PLXDC2: variants seen among roughly 807,000 people sequenced by gnomAD.
The protein encoded by PLXDC2 is plexin domain containing 2.
A neutral mutation model predicts 68.9 loss-of-function variants in PLXDC2; 40 were observed. The observed-to-expected ratio is 0.58, with a 90% CI of 0.45 to 0.76. The LOEUF is 0.76. PLXDC2 is among the 30% of genes least tolerant of loss of function. PLXDC2 has a pLI of 0.00. For synonymous variants in PLXDC2, 243 were observed against 234.2 expected (o/e 1.04, Z -0.34); for missense variants, 644 against 661.9 (o/e 0.97, Z 0.30).
Position 20,284,405 on chromosome 10 carries a change from T to TTGTG in PLXDC2, c.*4587_*4588insGTGT, listed in dbSNP as rs1214983469. The TTGTG allele has an allele frequency of 4.7e-4, 43 of 91,534 alleles. No homozygotes were observed. Among genetic ancestry groups the TTGTG allele is most frequent in the African/African-American group, 1.7e-3 (34 of 20,350 alleles). The allele number at this position is 91,534 out of a possible 1,614,324, so 5.7% of individuals were successfully genotyped here. A position where few individuals can be genotyped will look rare whatever the true frequency, so the allele number is the denominator to read the frequency against. On this transcript the variant is annotated 3_prime_UTR_variant, in exon 14 of 14. Coordinates refer to ENST00000377252, the MANE Select transcript of PLXDC2 (RefSeq NM_032812.9). ...GTATATTTGATAGAGATGATAGCAA[T>TTGTG]TATGTGTGTGTGTGTGTGTGTGTGT...
chr10:20,238,663 A>AAAAATATATATATG (rs1564363433), intron 12 of PLXDC2, among the ~76,000 whole-genome samples: 1 of 109,378 alleles, frequency 9.1e-6, no homozygotes, highest in African/African-American at 3.9e-5. Context: ...CTCAAAAAAA[A>AAAAATATATATATG]TATATATATA....
At chr10:19,841,302 A>C (rs992009621) in intron 1 of PLXDC2, among the ~76,000 whole-genome samples, 7 of 152,264 alleles carry the variant, frequency 4.6e-5, no homozygotes, top group East Asian at 1.9e-4. Flanking sequence ...CAAGTAATGT[A>C]AGTTTCTACC....
At chr10:20,010,843 A>G (rs558253277) in intron 2 of PLXDC2, among the ~76,000 whole-genome samples, 1 of 152,306 alleles carries the variant, frequency 6.6e-6, no homozygotes, top group Non-Finnish European at 1.5e-5. Flanking sequence ...TTCTACTTTA[A>G]TTCCATAGCC....
Position 19,894,079 on chromosome 10 carries a change from TAGCCTGGACAC to T in PLXDC2, c.112+76892_112+76902del, listed in dbSNP as rs1564621735. Among the ~76,000 whole-genome samples the T allele has an allele frequency of 7.9e-5, 12 of 152,232 alleles. No individual in the cohort carries two copies. The South Asian group carries it at 1.2e-3, about 16-fold the overall frequency. ...ATGCCCAATCTGTAGAAAGAGAAAT[TAGCCTGGACAC>T]AGCACCACAGGCTATAGTGCAGAAC... On this transcript the variant is annotated intron_variant, in intron 1 of 13. Transcript: ENST00000377252.
At chr10:20,000,563 C>G (rs1485882001) in intron 1 of PLXDC2, among the ~76,000 whole-genome samples, 1 of 152,060 alleles carries the variant, frequency 6.6e-6, no homozygotes, top group African/African-American at 2.4e-5. Flanking sequence ...AATCAGAGAT[C>G]TTTGGTTTAC....
At chr10:20,265,958 A>T (rs1835867102) in intron 13 of PLXDC2, among the ~76,000 whole-genome samples, 1 of 152,114 alleles carries the variant, frequency 6.6e-6, no homozygotes, top group South Asian at 2.1e-4. Flanking sequence ...GTCAAGATGG[A>T]AGAACTGGGA....
chr10:19,973,868 G>T (rs763213449), intron 1 of PLXDC2, among the ~76,000 whole-genome samples: 3 of 152,158 alleles, frequency 2.0e-5, no homozygotes, highest in Non-Finnish European at 2.9e-5. Flanking sequence ...GAGAATGAAT[G>T]GAAGTGTATA....
chr10:20,037,688 C>T (rs1835602090), intron 2 of PLXDC2, among the ~76,000 whole-genome samples: 1 of 152,146 alleles, frequency 6.6e-6, no homozygotes, highest in African/African-American at 2.4e-5. Flanking sequence ...TAGGCAAGCA[C>T]TTAACTGAGC....
intron 12 of PLXDC2, among the ~76,000 whole-genome samples, chr10:20,230,151 A>G (rs553406245): frequency 6.6e-6 from 1 of 152,350 alleles, no homozygotes; most frequent in South Asian, 2.1e-4. Context: ...AGCATAGGCT[A>G]TCACACTGAC....
At chr10:20,183,926 A>G (rs1834642740) in intron 9 of PLXDC2, among the ~76,000 whole-genome samples, 1 of 151,982 alleles carries the variant, frequency 6.6e-6, no homozygotes, top group African/African-American at 2.4e-5. Flanking sequence ...CTTTAAAACA[A>G]AATTTTCCAC....
chr10:20,173,909 C>T (rs1834483344), intron 7 of PLXDC2, among the ~76,000 whole-genome samples: 1 of 152,132 alleles, frequency 6.6e-6, no homozygotes, highest in Non-Finnish European at 1.5e-5. Context: ...CAATAATTCT[C>T]ATTAATTTGG....
chr10:20,063,281 C>T (rs1258995161), intron 3 of PLXDC2, among the ~76,000 whole-genome samples: 1 of 152,142 alleles, frequency 6.6e-6, no homozygotes, highest in Non-Finnish European at 1.5e-5. Context: ...CTACAAGCCA[C>T]TTTCAGCAGG....
At chr10:19,865,995 C>G (rs895448199) in intron 1 of PLXDC2, among the ~76,000 whole-genome samples, 1 of 152,100 alleles carries the variant, frequency 6.6e-6, no homozygotes, top group Admixed American at 6.5e-5. Flanking sequence ...CACACTTTCC[C>G]CCCTCATTTA....
chr10:20,054,350 C>T (rs1345584343), intron 3 of PLXDC2, among the ~76,000 whole-genome samples: 13 of 151,928 alleles, frequency 8.6e-5, no homozygotes, highest in Admixed American at 7.9e-4. Flanking sequence ...ATACCTGAGT[C>T]TCTCTAAGAG....
At chr10:20,237,629 A>G (rs1835451346) in intron 12 of PLXDC2, among the ~76,000 whole-genome samples, 1 of 152,310 alleles carries the variant, frequency 6.6e-6, no homozygotes, top group African/African-American at 2.4e-5. Flanking sequence ...GTACTGTTCC[A>G]TGGGGGAATT....
In PLXDC2 at chr10:20,283,603, G is replaced by A; in HGVS notation, c.*3784G>A. 6.6e-6 allele frequency: 1 copy of A among 152,154 alleles called. No individual in the cohort carries two copies. Among genetic ancestry groups the A allele is most frequent in the East Asian group, 1.9e-4 (1 of 5,182 alleles). 9.4% of individuals were successfully genotyped at this position (152,154 alleles called of 1,614,324 possible). On this transcript the variant is annotated 3_prime_UTR_variant, in exon 14 of 14. Coordinates refer to ENST00000377252, the MANE Select transcript of PLXDC2 (RefSeq NM_032812.9). ...ATTTCCTTTAGTATTTGTCCCACAT[G>A]ACATCCATCCCATGTATTTATCCAC...
chr10:20,245,672 G>T (rs1289028269), intron 13 of PLXDC2, among the ~76,000 whole-genome samples, 167 bp downstream of exon 13: 2 of 152,168 alleles, frequency 1.3e-5, no homozygotes, highest in Non-Finnish European at 2.9e-5. Context: ...CGTACATATT[G>T]ATAGATTGCT....
intron 12 of PLXDC2, among the ~76,000 whole-genome samples, chr10:20,220,838 C>CT (rs4026632): frequency 0.19 from 21,654 of 116,430 alleles, 2,630 homozygotes; most frequent in African/African-American, 0.29. Flanking sequence ...GCTCTTAACA[C>CT]TTTTTTTTTT....
At chr10:19,899,184 C>A (rs981576665) in intron 1 of PLXDC2, among the ~76,000 whole-genome samples, 1 of 152,188 alleles carries the variant, frequency 6.6e-6, no homozygotes, top group African/African-American at 2.4e-5. Flanking sequence ...CACCTCCAGT[C>A]CCATTGAGGC....
Sources: gnomAD v4.1 joint callset for allele counts (sites outside exome capture counted in the v4.1 genomes callset) on GRCh38, gnomAD v4.1.1 for gene constraint, MANE v1.5 for transcripts, NCBI Gene and HGNC (gene_info 2026-07-23, HGNC 2026-07-21) for gene names.